Variants in UGT1A5 observed in about 807,000 individuals in gnomAD.
UGT1A5 encodes UDP glucuronosyltransferase family 1 member A5.
Under a neutral mutation model 40.3 loss-of-function variants are expected in UGT1A5, and 29 were observed. That is an observed-to-expected ratio of 0.72 (90% CI 0.54 to 0.98). The LOEUF is 0.98. UGT1A5 is among the 50% of genes least tolerant of loss of function. The pLI is 0.00. For synonymous variants in UGT1A5, 257 were observed against 262.5 expected, an observed-to-expected ratio of 0.98 and a Z score of 0.20; for missense variants, 678 against 677.9, an observed-to-expected ratio of 1.00 and a Z score of 0.00.
At position 233,729,748 on chromosome 2, in the gene UGT1A5, A is replaced by C. The variant is rs140766748; in HGVS notation, c.867+15890A>C. 4.5e-4 allele frequency: 721 copies of C among 1,613,992 alleles called. 2 individuals carry two copies. The highest frequency in any genetic ancestry group is 1.8e-3 in the South Asian group (167 of 91,072). Reference sequence around the variant, plus strand: ...AACCAATTCAGACCACATGACATTCATGCAAAGGGTCAAGAACATGCTCTA... The same window carrying C: ...AACCAATTCAGACCACATGACATTCCTGCAAAGGGTCAAGAACATGCTCTA... On this transcript the variant is annotated intron_variant, in intron 1 of 4. Coordinates refer to ENST00000373414, the MANE Select transcript of UGT1A5 (RefSeq NM_019078.2).
At chr2:233,747,722 G>GT (rs574078556) in intron 1 of UGT1A5, 82 of 1,612,726 alleles carry the variant, frequency 5.1e-5, no homozygotes, top group Admixed American at 1.2e-4. Flanking sequence ...TTCCTGCTGT[G>GT]TTTTTTTTGA....
chr2:233,728,786 G>A (rs944510935), intron 1 of UGT1A5, among the ~76,000 whole-genome samples: 1 of 152,188 alleles, frequency 6.6e-6, no homozygotes, highest in Non-Finnish European at 1.5e-5. Context: ...GATAAACATG[G>A]TTAACAGAGA....
At chr2:233,765,068 C>T (rs1698740394) in intron 1 of UGT1A5, among the ~76,000 whole-genome samples, 1 of 152,072 alleles carries the variant, frequency 6.6e-6, no homozygotes. Flanking sequence ...TCAGAGGTCT[C>T]CTGTGTCTCA....
At chr2:233,736,342 C>T (rs549805148) in intron 1 of UGT1A5, among the ~76,000 whole-genome samples, 123 of 152,282 alleles carry the variant, frequency 8.1e-4, no homozygotes, top group Admixed American at 3.1e-3. Flanking sequence ...AGTTCTTGTG[C>T]CATGGTTTTC....
chr2:233,713,914 A>T (rs2076356497), intron 1 of UGT1A5, 56 bp downstream of exon 1: 2 of 1,612,536 alleles, frequency 1.2e-6, no homozygotes, highest in Admixed American at 3.3e-5. Flanking sequence ...TTTTTAAAAA[A>T]TGTATTTACT....
intron 1 of UGT1A5, among the ~76,000 whole-genome samples, chr2:233,731,288 T>TC (rs1363892538): frequency 6.6e-6 from 1 of 151,914 alleles, no homozygotes; most frequent in Non-Finnish European, 1.5e-5. Context: ...TTCTTTCTTT[T>TC]TTTTTTTTTT....
rs546323978 is a variant in UGT1A5, at chr2:233,743,185, G to C, written c.868-23849G>C. On this transcript the variant is annotated intron_variant, in intron 1 of 4. Transcript: ENST00000373414. ...TGTGCTTAAAGTCAAATGTGGACTG[G>C]AATTACTTGGTGTCAATGCGGAGTA... 3 of 372,746 alleles carry C rather than the reference G, an allele frequency of 8.0e-6. No homozygotes were observed. The East Asian group carries it at 2.2e-4, about 27-fold the overall frequency. The allele number at this position is 372,746 out of a possible 1,614,324, so 23.1% of individuals were successfully genotyped here.
At chr2:233,750,500 A>G (rs1694475449) in intron 1 of UGT1A5, 1 of 152,024 alleles carries the variant, frequency 6.6e-6, no homozygotes, top group South Asian at 2.1e-4. Flanking sequence ...AGGAGGAGCC[A>G]AATGTTAATT....
At chr2:233,724,138 G>A (rs2077174540) in intron 1 of UGT1A5, among the ~76,000 whole-genome samples, 1 of 122,456 alleles carries the variant, frequency 8.2e-6, no homozygotes, top group Non-Finnish European at 1.7e-5. Context: ...CTCCCGGACG[G>A]GGCGGCTGGC....
intron 2 of UGT1A5, among the ~76,000 whole-genome samples, chr2:233,767,555 C>A (rs1317722684): frequency 3.3e-5 from 5 of 152,206 alleles, no homozygotes; most frequent in Non-Finnish European, 7.3e-5. Context: ...AGTTCTGCAT[C>A]CACTTGTTTC....
At chr2:233,770,346 C>T (rs1357381259) in intron 4 of UGT1A5, 2 of 152,134 alleles carry the variant, frequency 1.3e-5, no homozygotes, top group African/African-American at 4.8e-5. Flanking sequence ...TGCTCAATTA[C>T]TATTGAATGA....
At chr2:233,760,549 G>A (rs2125985791) in intron 1 of UGT1A5, 1 of 1,614,268 alleles carries the variant, frequency 6.2e-7, no homozygotes, top group Non-Finnish European at 8.5e-7. Context: ...AAGGGAGGAT[G>A]TGAAAGAGTC....
intron 1 of UGT1A5, among the ~76,000 whole-genome samples, chr2:233,746,093 C>A (rs887469557): frequency 1.5e-4 from 23 of 151,770 alleles, no homozygotes; most frequent in African/African-American, 5.1e-4. Flanking sequence ...TATACAGAAA[C>A]ATGTCCAGAG....
chr2:233,726,116 T>C (rs1575565636), intron 1 of UGT1A5, among the ~76,000 whole-genome samples: 1 of 152,166 alleles, frequency 6.6e-6, no homozygotes, highest in East Asian at 1.9e-4. Flanking sequence ...CAGTGTGCCA[T>C]GTTCACACCA....
At chr2:233,720,570 T>C (rs1325667267) in intron 1 of UGT1A5, among the ~76,000 whole-genome samples, 1 of 152,076 alleles carries the variant, frequency 6.6e-6, no homozygotes, top group Non-Finnish European at 1.5e-5. Flanking sequence ...GGATCTATTC[T>C]TTTTCCAAAA....
Position 233,772,812 on chromosome 2 carries a change from C to T in UGT1A5, c.*253C>T, listed in dbSNP as rs61757316. ...ATGACATGTGCCATTTTTCAGAGGA[C>T]GTGCAGACAGGCTGGCATTCTAGAT... On this transcript the variant is annotated 3_prime_UTR_variant, in exon 5 of 5. Coordinates refer to ENST00000373414, the MANE Select transcript of UGT1A5 (RefSeq NM_019078.2). The T allele has an allele frequency of 4.4e-5, 46 of 1,035,780 alleles. No individual in the cohort carries two copies. The highest frequency in any genetic ancestry group is 6.9e-4 in the Middle Eastern group (2 of 2,918). 64.2% of individuals were successfully genotyped at this position (1,035,780 alleles called of 1,614,324 possible).
In UGT1A5 at chr2:233,713,276, TCA is replaced by T; in HGVS notation, c.289_290del (p.Thr97SerfsTer5). 1 of 1,614,224 alleles carries T rather than the reference TCA, an allele frequency of 6.2e-7. No homozygotes were observed. The highest frequency in any genetic ancestry group is 8.5e-7 in the Non-Finnish European group (1 of 1,180,040). On this transcript the variant is annotated frameshift_variant, in exon 1 of 5. Transcript: ENST00000373414. LOFTEE classifies it high-confidence loss of function. The part of the protein sequence containing the change: ...QDEFDRLLLG[H>X]TQSFFETEHL... ...ACGAATTTGATCGCCTTTTGCTGGG[TCA>T]CACTCAATCGTTCTTTGAAACAGAA...
intron 1 of UGT1A5, among the ~76,000 whole-genome samples, chr2:233,750,114 G>T (rs1694365231): frequency 6.6e-6 from 1 of 151,914 alleles, no homozygotes; most frequent in South Asian, 2.1e-4. Flanking sequence ...AAGAAGACAG[G>T]AAGATGTGGG....
At chr2:233,739,657 C>A (rs772609637) in intron 1 of UGT1A5, among the ~76,000 whole-genome samples, 1 of 152,202 alleles carries the variant, frequency 6.6e-6, no homozygotes, top group Admixed American at 6.5e-5. Context: ...TTCTGTACCC[C>A]CATTGTGTCT....
Sources: allele counts gnomAD v4.1 joint callset (sites outside exome capture counted in the v4.1 genomes callset), GRCh38; gene constraint gnomAD v4.1.1; transcripts MANE v1.5; gene names NCBI Gene and HGNC (gene_info 2026-07-23, HGNC 2026-07-21).